The following FAR1 variants were observed in gnomAD, a reference collection of about 807,000 sequenced individuals.
FAR1 encodes the protein fatty acyl-CoA reductase 1.
In FAR1, 22 loss-of-function variants were observed where a neutral mutation model predicts 61.1. The observed-to-expected ratio is 0.36, with a 90% CI of 0.26 to 0.51. The LOEUF is 0.51. Ranked by LOEUF, FAR1 falls within the 20% of genes least tolerant of loss-of-function variation. The pLI is 0.95. For missense variants in FAR1, 359 were observed against 626.9 expected (o/e 0.57, Z 4.56); for synonymous variants, 206 against 209.7 (o/e 0.98, Z 0.15).
At chr11:13,708,447 G>GCGCGCACACACACACA (rs139902063) in intron 4 of FAR1, among the ~76,000 whole-genome samples, 156 of 136,710 alleles carry the variant, frequency 1.1e-3, no homozygotes, top group Non-Finnish European at 1.7e-3. Context: ...GCGCGCGCGC[G>GCGCGCACACACACACA]CACACACACA....
intron 10 of FAR1, 139 bp from the exon 11 acceptor site, chr11:13,727,417 G>A (rs1848678384): frequency 1.6e-6 from 1 of 618,082 alleles, no homozygotes; most frequent in East Asian, 3.6e-5. Context: ...CTAGCGGTAA[G>A]ATTTCAGAAG....
At chr11:13,678,921 A>G (rs892878655) in intron 1 of FAR1, among the ~76,000 whole-genome samples, 1 of 152,212 alleles carries the variant, frequency 6.6e-6, no homozygotes, top group Admixed American at 6.5e-5. Flanking sequence ...CACAAGAAAA[A>G]TAGAAAATAC....
chr11:13,670,714 GTT>G (rs58418636), intron 1 of FAR1, among the ~76,000 whole-genome samples: 3 of 136,686 alleles, frequency 2.2e-5, no homozygotes, highest in Non-Finnish European at 3.2e-5. Context: ...TAGCTTGAGG[GTT>G]TTTTTTTTTT....
At position 13,721,036 on chromosome 11, in the gene FAR1, C is replaced by CTT. The variant is rs1247358229; in HGVS notation, c.1128-692_1128-691dup. ...ATCACAGTCTTTCTTTAAAGACACA[C>CTT]TTTAAAAAGAGTGTCACACTCCTTT... On this transcript the variant is annotated intron_variant, in intron 9 of 11. Transcript: ENST00000354817. The surrounding 1 kb of genome is among the most constrained non-coding windows in gnomAD (Gnocchi z 4.2). 9 of 152,086 alleles carry CTT rather than the reference C, an allele frequency of 5.9e-5. No homozygotes were observed. Among genetic ancestry groups the CTT allele is most frequent in the Non-Finnish European group, 1.0e-4 (7 of 67,986 alleles). 9.4% of individuals were successfully genotyped at this position (152,086 alleles called of 1,614,324 possible). A position where few individuals can be genotyped will look rare whatever the true frequency, so the allele number is the denominator to read the frequency against.
rs1848728573 is a variant in FAR1, at chr11:13,731,726, A to G, written c.*2952A>G. 6.6e-6 allele frequency: 1 copy of G among 152,116 alleles called. No homozygotes were observed. The highest frequency in any genetic ancestry group is 2.1e-4 in the South Asian group (1 of 4,830). 9.4% of individuals were successfully genotyped at this position (152,116 alleles called of 1,614,324 possible). ...TTATTTTTATGTATTACCTGGAATG[A>G]GGCAGGTTTTTTTCTGTTTTCTAAA... is the stretch of plus-strand genomic sequence containing the variant. On this transcript the variant is annotated 3_prime_UTR_variant, in exon 12 of 12. Transcript: ENST00000354817.
intron 7 of FAR1, among the ~76,000 whole-genome samples, chr11:13,712,686 C>T (rs907873803): frequency 1.3e-5 from 2 of 151,428 alleles, no homozygotes; most frequent in Non-Finnish European, 2.9e-5. Context: ...TTGTTTTCCT[C>T]GTGTTTAAAA....
At chr11:13,670,068 A>G (rs933430670) in intron 1 of FAR1, 1 of 152,110 alleles carries the variant, frequency 6.6e-6, no homozygotes, top group Non-Finnish European at 1.5e-5. Flanking sequence ...TTTTTTTCAA[A>G]TTAATTTAAA....
intron 8 of FAR1, 107 bp from the exon 9 acceptor site, chr11:13,714,402 C>T: frequency 8.7e-7 from 1 of 1,147,812 alleles, no homozygotes; most frequent in Non-Finnish European, 1.2e-6. Context: ...TGTACGAACT[C>T]TGACATCTTT....
chr11:13,715,030 GC>G (rs986797074), intron 9 of FAR1, among the ~76,000 whole-genome samples: 4 of 152,150 alleles, frequency 2.6e-5, no homozygotes, highest in African/African-American at 9.7e-5. Flanking sequence ...GTATTCAGGT[GC>G]CCCAGTTTTA....
chr11:13,723,648 C>G (rs1025615848), intron 10 of FAR1, among the ~76,000 whole-genome samples: 7 of 152,078 alleles, frequency 4.6e-5, no homozygotes, highest in African/African-American at 1.7e-4. Context: ...CAAATATTGC[C>G]TCTTCACTAT....
At chr11:13,720,329 A>G (rs560656271) in intron 9 of FAR1, 1 of 152,236 alleles carries the variant, frequency 6.6e-6, no homozygotes, top group Admixed American at 6.5e-5. Context: ...GCGTGATAGT[A>G]TATATTGATG....
intron 1 of FAR1, among the ~76,000 whole-genome samples, chr11:13,689,548 G>A (rs1848224944): frequency 6.6e-6 from 1 of 152,094 alleles, no homozygotes; most frequent in South Asian, 2.1e-4. Context: ...TATTGTTGAT[G>A]AACACTTGGG....
At chr11:13,720,369 T>C (rs1848597531) in intron 9 of FAR1, 1 of 152,146 alleles carries the variant, frequency 6.6e-6, no homozygotes, top group South Asian at 2.1e-4. Flanking sequence ...TCTTTTTGTT[T>C]AGAAAAAAAT....
intron 2 of FAR1, among the ~76,000 whole-genome samples, chr11:13,695,516 GTT>G (rs1409416050): frequency 2.6e-5 from 4 of 152,242 alleles, no homozygotes; most frequent in Middle Eastern, 6.8e-3. Flanking sequence ...ACGATCATAA[GTT>G]TGTGAATTCT....
intron 1 of FAR1, among the ~76,000 whole-genome samples, chr11:13,686,258 C>G (rs761875328): frequency 6.6e-6 from 1 of 152,154 alleles, no homozygotes; most frequent in African/African-American, 2.4e-5. Context: ...CTTCCCTTAA[C>G]TATGTATTTT....
At chr11:13,669,641 G>A (rs892500131) in intron 1 of FAR1, 12 of 152,246 alleles carry the variant, frequency 7.9e-5, no homozygotes, top group African/African-American at 2.7e-4. Context: ...AGGGTCTCAG[G>A]TAGTGTCTTG....
At chr11:13,677,500 G>GT (rs925224248) in intron 1 of FAR1, among the ~76,000 whole-genome samples, 40 of 152,244 alleles carry the variant, frequency 2.6e-4, no homozygotes, top group African/African-American at 9.4e-4. Context: ...CCTAAAAGCT[G>GT]TTTTTTCCCC....
intron 1 of FAR1, among the ~76,000 whole-genome samples, chr11:13,680,476 A>G (rs1266817203): frequency 6.6e-6 from 1 of 152,180 alleles, no homozygotes; most frequent in Non-Finnish European, 1.5e-5. Flanking sequence ...GTAATTTGTA[A>G]AGAAAAGAGG....
chr11:13,696,979 C>G (rs1357336312), intron 2 of FAR1, among the ~76,000 whole-genome samples: 4 of 152,180 alleles, frequency 2.6e-5, no homozygotes, highest in African/African-American at 9.7e-5. Flanking sequence ...GTTCTGGAGG[C>G]TTGTTCTATG....
Sources: gnomAD v4.1 joint callset for allele counts (sites outside exome capture counted in the v4.1 genomes callset) on GRCh38, gnomAD v4.1.1 for gene constraint, Gnocchi (gnomAD v3.1) non-coding constraint, MANE v1.5 for transcripts, NCBI Gene and HGNC (gene_info 2026-07-23, HGNC 2026-07-21) for gene names.